The following UGT1A9 variants were observed in gnomAD, a reference collection of about 807,000 sequenced individuals.
UGT1A9 encodes UDP-glucuronosyltransferase 1A9.
Under a neutral mutation model 45.0 loss-of-function variants are expected in UGT1A9, and 35 were observed. The observed-to-expected ratio is 0.78, with a 90% CI of 0.59 to 1.03. The LOEUF (loss-of-function observed/expected upper bound fraction) is 1.03. Ranked by LOEUF, UGT1A9 falls within the 50% of genes least tolerant of loss-of-function variation. The pLI is 0.00. For missense variants in UGT1A9, 687 were observed against 666.6 expected (o/e 1.03, Z -0.34); for synonymous variants, 278 against 250.6 (o/e 1.11, Z -1.03).
chr2:233,746,996 T>C (rs1200974449), intron 1 of UGT1A9, among the ~76,000 whole-genome samples: 1 of 151,576 alleles, frequency 6.6e-6, no homozygotes, highest in East Asian at 1.9e-4. Context: ...TCAGATGAGT[T>C]TTTCAAGTAG....
Position 233,772,452 on chromosome 2 carries a change from G to A in UGT1A9, c.1486G>A (p.Val496Met), listed in dbSNP as rs199723856. 1.2e-4 allele frequency: 186 copies of A among 1,614,176 alleles called. No homozygotes were observed. The highest frequency in any genetic ancestry group is 1.5e-4 in the Non-Finnish European group (177 of 1,180,044). The change falls in exon 5 of 5, where the codon GTG becomes ATG. Residue 496 changes from valine (V) to methionine (M), a missense_variant. Physicochemically the swap from Val to Met is conservative, Grantham distance 21 (BLOSUM62 1). Transcript: ENST00000354728. The stretch of plus-strand genomic sequence containing the variant: ...CGTGATTGGTTTCCTCTTGGCCGTC[G>A]TGCTGACAGTGGCCTTCATCACCTT... ...LDVIGFLLAV[V>M]LTVAFITFKC...
intron 1 of UGT1A9, among the ~76,000 whole-genome samples, chr2:233,709,664 G>A (rs775145297): frequency 1.3e-5 from 2 of 152,116 alleles, no homozygotes; most frequent in African/African-American, 2.4e-5. Context: ...TTGTATAGTA[G>A]GTTTTGGTCT....
At chr2:233,699,564 G>T (rs757695446) in intron 1 of UGT1A9, among the ~76,000 whole-genome samples, 1 of 152,214 alleles carries the variant, frequency 6.6e-6, no homozygotes, top group Admixed American at 6.5e-5. Context: ...CATGGCCAGA[G>T]CTCTGGCTCT....
At position 233,672,774 on chromosome 2, in the gene UGT1A9, A is replaced by G. The variant is rs2074241218; in HGVS notation, c.840A>G (p.Gly280=). 1.2e-6 allele frequency: 2 copies of G among 1,613,672 alleles called. No homozygotes were observed. Among genetic ancestry groups the G allele is most frequent in the Non-Finnish European group, 1.7e-6 (2 of 1,179,644 alleles). The change falls in exon 1 of 5, where the codon GGA becomes GGG. Residue 280 remains glycine (G), a synonymous_variant. Transcript: ENST00000354728. ...TTGGTGGTATCAACTGCCATCAGGGAAAGCCGTTGCCTATGGTAAGTTATC... is the reference window on the plus strand; with the variant it reads ...TTGGTGGTATCAACTGCCATCAGGGGAAGCCGTTGCCTATGGTAAGTTATC... ...IFIGGINCHQ[G]KPLPMEFEAY...
chr2:233,701,607 C>T (rs918136941), intron 1 of UGT1A9, among the ~76,000 whole-genome samples: 3 of 152,194 alleles, frequency 2.0e-5, no homozygotes, highest in Non-Finnish European at 4.4e-5. Flanking sequence ...AAGCACTCCT[C>T]AGCAAACGTA....
intron 1 of UGT1A9, chr2:233,761,057 G>A: frequency 6.2e-7 from 1 of 1,614,206 alleles, no homozygotes. Flanking sequence ...TGGCTGTTTA[G>A]AAGTGACTTT....
intron 1 of UGT1A9, among the ~76,000 whole-genome samples, chr2:233,716,010 A>T (rs1320740182): frequency 6.6e-6 from 1 of 152,160 alleles, no homozygotes; most frequent in Non-Finnish European, 1.5e-5. Flanking sequence ...AATGACTTTA[A>T]TCTGATAGTT....
At chr2:233,683,064 A>G (rs1353703949) in intron 1 of UGT1A9, among the ~76,000 whole-genome samples, 1 of 152,238 alleles carries the variant, frequency 6.6e-6, no homozygotes, top group Non-Finnish European at 1.5e-5. Context: ...AAAAAACCAC[A>G]GTAAGAAATG....
intron 1 of UGT1A9, chr2:233,719,131 A>T: frequency 2.5e-6 from 4 of 1,614,200 alleles, no homozygotes; most frequent in Non-Finnish European, 3.4e-6. Flanking sequence ...TTTGAAACAG[A>T]ACATCTTCTG....
Position 233,718,936 on chromosome 2 carries a change from G to A in UGT1A9, c.855+46147G>A, listed in dbSNP as rs377569610. 7.4e-6 allele frequency: 12 copies of A among 1,614,050 alleles called. No homozygotes were observed. In the African/African-American group the frequency reaches 1.3e-4, roughly 18 times the overall value. Reference sequence around the variant, plus strand: ...GTGTTGGTGGTGCCCACTGATGGCAGCCCCTGGCTCAGCATGCGGGAGGCC... The same window carrying A: ...GTGTTGGTGGTGCCCACTGATGGCAACCCCTGGCTCAGCATGCGGGAGGCC... On this transcript the variant is annotated intron_variant, in intron 1 of 4. Coordinates refer to ENST00000354728, the MANE Select transcript of UGT1A9 (RefSeq NM_021027.3).
intron 1 of UGT1A9, among the ~76,000 whole-genome samples, chr2:233,710,212 T>C (rs942743285): frequency 6.6e-6 from 1 of 152,260 alleles, no homozygotes; most frequent in African/African-American, 2.4e-5. Flanking sequence ...TTGGCTATTA[T>C]GAATAAAGCT....
chr2:233,679,013 G>A (rs2074435119), intron 1 of UGT1A9, among the ~76,000 whole-genome samples: 1 of 152,118 alleles, frequency 6.6e-6, no homozygotes. Flanking sequence ...CATCTTCAGT[G>A]GTGTAATCCT....
chr2:233,722,033 A>T (rs915638296), intron 1 of UGT1A9: 1 of 246,466 alleles, frequency 4.1e-6, no homozygotes, highest in Non-Finnish European at 8.1e-6. Flanking sequence ...CTTGAATTGC[A>T]TGATTTTGTG....
At chr2:233,726,040 C>A (rs906060755) in intron 1 of UGT1A9, among the ~76,000 whole-genome samples, 3 of 152,112 alleles carry the variant, frequency 2.0e-5, no homozygotes, top group Non-Finnish European at 4.4e-5. Flanking sequence ...ATGGCGCACA[C>A]CTGTGGTCCC....
chr2:233,682,042 G>T, intron 1 of UGT1A9: 1 of 1,614,092 alleles, frequency 6.2e-7, no homozygotes. Flanking sequence ...CCATGGATGG[G>T]AGCCACTGGT....
chr2:233,728,753 T>G (rs1294725460), intron 1 of UGT1A9, among the ~76,000 whole-genome samples: 2 of 152,174 alleles, frequency 1.3e-5, no homozygotes, highest in Non-Finnish European at 2.9e-5. Context: ...CAATGGTGAC[T>G]CCTCAGACCT....
At chr2:233,674,506 T>C (rs1023098618) in intron 1 of UGT1A9, among the ~76,000 whole-genome samples, 3 of 152,186 alleles carry the variant, frequency 2.0e-5, no homozygotes, top group African/African-American at 7.2e-5. Flanking sequence ...ACACTGAATT[T>C]ATTGTGCCTC....
intron 1 of UGT1A9, among the ~76,000 whole-genome samples, chr2:233,710,692 G>C (rs976331221): frequency 2.6e-5 from 4 of 152,100 alleles, no homozygotes; most frequent in African/African-American, 9.7e-5. Context: ...TTTACTTCTG[G>C]TGTGTGGTGT....
chr2:233,724,266 G>A (rs1189985435), intron 1 of UGT1A9, among the ~76,000 whole-genome samples: 3 of 135,606 alleles, frequency 2.2e-5, no homozygotes, highest in Non-Finnish European at 4.8e-5. Flanking sequence ...CTCCCGGACG[G>A]GGCGGCTGGC....
Sources: gnomAD v4.1 joint callset for allele counts (sites outside exome capture counted in the v4.1 genomes callset) on GRCh38, gnomAD v4.1.1 for gene constraint, MANE v1.5 for transcripts, NCBI Gene and HGNC (gene_info 2026-07-23, HGNC 2026-07-21) for gene names.